Variants in ASIC2 observed in about 807,000 individuals in gnomAD.
ASIC2 encodes acid sensing ion channel subunit 2.
ASIC2 carries 25 observed loss-of-function variants against 57.3 expected under a neutral mutation model. The ratio of observed to expected loss-of-function variants is 0.44; its 90% confidence interval spans 0.32 to 0.61. The LOEUF (loss-of-function observed/expected upper bound fraction) is 0.61. Among genes scored for constraint, ASIC2 ranks in the 20% least tolerant of loss-of-function variants. ASIC2 has a pLI of 0.06. For missense variants in ASIC2, 641 were observed against 738.1 expected (o/e 0.87, Z 1.52); for synonymous variants, 319 against 307.5 (o/e 1.04, Z -0.39).
At chr17:34,037,732 G>A in intron 1 of ASIC2, 1 of 1,614,182 alleles carries the variant, frequency 6.2e-7, no homozygotes, top group Non-Finnish European at 8.5e-7. Context: ...AGGGATCACA[G>A]GCCAGCTGCT....
intron 1 of ASIC2, among the ~76,000 whole-genome samples, chr17:33,991,376 C>G (rs1905994979): frequency 1.3e-5 from 2 of 152,184 alleles, no homozygotes. Flanking sequence ...GACTCCCAGT[C>G]AAGTTCTCTT....
At chr17:33,395,396 T>C (rs1267958970) in intron 1 of ASIC2, among the ~76,000 whole-genome samples, 1 of 152,184 alleles carries the variant, frequency 6.6e-6, no homozygotes, top group Non-Finnish European at 1.5e-5. Flanking sequence ...CTTACATGAA[T>C]GGCAGCAGGC....
chr17:33,481,050 C>G (rs574999901), intron 1 of ASIC2, among the ~76,000 whole-genome samples: 1 of 152,204 alleles, frequency 6.6e-6, no homozygotes, highest in Non-Finnish European at 1.5e-5. Flanking sequence ...CATCAGCCAC[C>G]AACCTTTCCT....
At chr17:34,014,994 C>T (rs1906897891) in intron 1 of ASIC2, among the ~76,000 whole-genome samples, 1 of 151,850 alleles carries the variant, frequency 6.6e-6, no homozygotes, top group Non-Finnish European at 1.5e-5. Flanking sequence ...AAACAATCCT[C>T]CCACTTCAGA....
At chr17:34,038,725 T>G (rs1358656469) in intron 1 of ASIC2, 32 of 1,606,066 alleles carry the variant, frequency 2.0e-5, no homozygotes, top group Non-Finnish European at 2.6e-5. Flanking sequence ...AGATTTCTTC[T>G]TGTTCATGGT....
intron 1 of ASIC2, among the ~76,000 whole-genome samples, chr17:33,116,368 G>A (rs1228583172): frequency 3.9e-5 from 6 of 152,310 alleles, no homozygotes; most frequent in African/African-American, 1.4e-4. Flanking sequence ...AAGAACACAC[G>A]CTTCAAATTT....
At chr17:33,534,407 G>C (rs563424532) in intron 1 of ASIC2, 1 of 152,302 alleles carries the variant, frequency 6.6e-6, no homozygotes, top group Non-Finnish European at 1.5e-5. Context: ...CACGAGGCAG[G>C]AGCAGTATGT....
In ASIC2 at chr17:33,291,846, C is replaced by T; in HGVS notation, c.270G>A (p.Val90=). ...GGSFQRRALW[V]LAFCTSFGLL... is the part of the protein sequence containing the mutation. ...AGCCGAAGGATGTACAGAAGGCCAG[C>T]ACCCACAGCGCCCGCCGCTGGAAGG... Residue 90 remains valine, a synonymous_variant, in exon 1 of 10, where the codon GTG becomes GTA. Transcript: ENST00000225823. 6.2e-7 allele frequency: 1 copy of T among 1,607,360 alleles called. No homozygotes were observed. The highest frequency in any genetic ancestry group is 8.5e-7 in the Non-Finnish European group (1 of 1,178,812).
chr17:33,133,247 G>A (rs1003806563), intron 1 of ASIC2, among the ~76,000 whole-genome samples: 11 of 152,158 alleles, frequency 7.2e-5, no homozygotes, highest in Non-Finnish European at 1.5e-4. Flanking sequence ...GGCACAGCAT[G>A]AGCAGAGGGC....
At chr17:33,840,241 G>T (rs903848972) in intron 1 of ASIC2, among the ~76,000 whole-genome samples, 9 of 152,198 alleles carry the variant, frequency 5.9e-5, no homozygotes, top group African/African-American at 2.2e-4. Context: ...ATTACAGTGT[G>T]GTGGGGACAT....
rs1033851504 is a variant in ASIC2, at chr17:33,191,388, A to C, written c.709-79321T>G. Among the ~76,000 whole-genome samples, 3 of 151,946 alleles carry C rather than the reference A, an allele frequency of 2.0e-5. 1 individual carries two copies. The highest frequency in any genetic ancestry group is 7.2e-5 in the African/African-American group (3 of 41,398). ...CCTTTGTTGGGTGGGGGGTAATGGA[A>C]TTTTTTTCTTTTTGGGTTGTGTTGA... On this transcript the variant is annotated intron_variant, in intron 1 of 9. Coordinates refer to ENST00000225823, the MANE Select transcript of ASIC2 (RefSeq NM_183377.2).
chr17:33,768,927 C>T (rs1911013945), intron 1 of ASIC2, among the ~76,000 whole-genome samples: 1 of 152,160 alleles, frequency 6.6e-6, no homozygotes, highest in Admixed American at 6.5e-5. Flanking sequence ...CTTCCCTCTC[C>T]TCTGAGAGCT....
Position 33,379,298 on chromosome 17 carries a change from A to G in ASIC2, c.556-267231T>C, listed in dbSNP as rs150871649. Among the ~76,000 whole-genome samples, 189 of 152,308 alleles carry G rather than the reference A, an allele frequency of 1.2e-3. 1 individual carries two copies. Among genetic ancestry groups the G allele is most frequent in the Middle Eastern group, 3.4e-3 (1 of 294 alleles). Reference sequence around the variant, plus strand: ...TCTCATCTGTAAAAGGGGGCTGATAATATCTTACACTCTGGCAGTTGCGAA... The same window carrying G: ...TCTCATCTGTAAAAGGGGGCTGATAGTATCTTACACTCTGGCAGTTGCGAA... On this transcript the variant is annotated intron_variant, in intron 1 of 9. Coordinates refer to the ASIC2 transcript ENST00000359872.
chr17:34,061,599 AC>A (rs1908972577), intron 1 of ASIC2, among the ~76,000 whole-genome samples: 1 of 152,184 alleles, frequency 6.6e-6, no homozygotes, highest in Non-Finnish European at 1.5e-5. Context: ...ATAAGAACTC[AC>A]CAATCAACTA....
chr17:33,101,947 G>A (rs779147880), intron 2 of ASIC2, among the ~76,000 whole-genome samples: 10 of 151,982 alleles, frequency 6.6e-5, no homozygotes, highest in Non-Finnish European at 1.3e-4. Context: ...AGACTCTATG[G>A]CAGAGCTGTA....
intron 1 of ASIC2, among the ~76,000 whole-genome samples, chr17:33,540,431 C>T (rs1915370817): frequency 6.6e-6 from 1 of 152,022 alleles, no homozygotes; most frequent in African/African-American, 2.4e-5. Context: ...CAATTCAACT[C>T]ATCACAGCAC....
chr17:33,672,590 G>A (rs1441991555), intron 1 of ASIC2, among the ~76,000 whole-genome samples: 1 of 152,204 alleles, frequency 6.6e-6, no homozygotes, highest in Non-Finnish European at 1.5e-5. Context: ...CTTGGATTAG[G>A]ATGGACTTGG....
At chr17:34,144,551 C>T (rs554975275) in intron 1 of ASIC2, among the ~76,000 whole-genome samples, 6 of 152,304 alleles carry the variant, frequency 3.9e-5, no homozygotes, top group African/African-American at 1.4e-4. Flanking sequence ...AGCTGACATT[C>T]CACATCTGGG....
chr17:33,323,441 G>A (rs549279703), intron 1 of ASIC2, among the ~76,000 whole-genome samples: 238 of 152,288 alleles, frequency 1.6e-3, no homozygotes, highest in African/African-American at 5.3e-3. Context: ...AGGCGGGCAC[G>A]GTGCCTCACG....
Sources: gnomAD v4.1 joint callset for allele counts (sites outside exome capture counted in the v4.1 genomes callset) on GRCh38, gnomAD v4.1.1 for gene constraint, MANE v1.5 for transcripts, NCBI Gene and HGNC (gene_info 2026-07-23, HGNC 2026-07-21) for gene names.